The following ANK2 variants were observed in gnomAD, a reference collection of about 807,000 sequenced individuals.
The protein encoded by ANK2 is ankyrin 2.
ANK2 carries 83 observed loss-of-function variants against 360.5 expected under a neutral mutation model. The observed-to-expected ratio is 0.23, with a 90% confidence interval of 0.19 to 0.28. ANK2 has a LOEUF of 0.28. Among genes scored for constraint, ANK2 ranks in the 10% least tolerant of loss-of-function variants. The pLI is 1.00. For synonymous variants in ANK2, 1,740 were observed against 1,759.5 expected, an observed-to-expected ratio of 0.99 and a Z score of 0.28; for missense variants, 4,201 against 4,795.7, an observed-to-expected ratio of 0.88 and a Z score of 3.66.
chr4:113,241,798 A>T (rs2040089717), intron 8 of ANK2, among the ~76,000 whole-genome samples: 3 of 152,156 alleles, frequency 2.0e-5, no homozygotes, highest in African/African-American at 7.2e-5. Context: ...TCTTAGGTAG[A>T]TTTAAAATTT....
At position 113,049,765 on chromosome 4, in the gene ANK2, G is replaced by A. The variant is rs745356870; in HGVS notation, c.37G>A (p.Gly13Arg). 3.1e-6 allele frequency: 5 copies of A among 1,613,764 alleles called. No individual in the cohort carries two copies. The highest frequency in any genetic ancestry group is 1.7e-5 in the Admixed American group (1 of 59,998). The stretch of plus-strand genomic sequence containing the variant: ...AGATGCAGCTCAGAAAAGCGACAGT[G>A]GAGAGAAGTTCAACGGCAGTAGTCA... ...NEDAAQKSDS[G>R]EKFNGSSQRR... Residue 13 changes from glycine (G) to arginine (R), a missense_variant, in exon 1 of 46, where the codon GGA becomes AGA. Coordinates refer to ENST00000357077, the MANE Select transcript of ANK2 (RefSeq NM_001148.6).
intron 37 of ANK2, among the ~76,000 whole-genome samples, chr4:113,351,923 C>G (rs2095436986): frequency 6.6e-6 from 1 of 152,140 alleles, no homozygotes; most frequent in African/African-American, 2.4e-5. Flanking sequence ...TACCTGAAGT[C>G]TTTTTATCAG....
rs112118263 is a variant in ANK2, at chr4:113,254,816, T to C, written c.991-919T>C. Among the ~76,000 whole-genome samples the C allele has an allele frequency of 4.3e-4, 66 of 152,314 alleles. 1 individual carries two copies. The highest frequency in any genetic ancestry group is 1.6e-3 in the African/African-American group (65 of 41,580). On this transcript the variant is annotated intron_variant, in intron 10 of 45. Coordinates refer to ENST00000357077, the MANE Select transcript of ANK2 (RefSeq NM_001148.6). ...TCTGCTTTGTTGAATGTAATGACTGTCAAACTGGATACTTGGCGAACAATC... is the reference window on the plus strand; with the variant it reads ...TCTGCTTTGTTGAATGTAATGACTGCCAAACTGGATACTTGGCGAACAATC...
chr4:112,959,363 A>G (rs2033437300), intron 2 of ANK2, among the ~76,000 whole-genome samples: 2 of 152,354 alleles, frequency 1.3e-5, no homozygotes, highest in South Asian at 4.1e-4. Context: ...AGGCTCCATT[A>G]TAAGGTGTGT....
At chr4:113,180,142 A>C (rs1390913692) in intron 2 of ANK2, among the ~76,000 whole-genome samples, 1 of 152,238 alleles carries the variant, frequency 6.6e-6, no homozygotes, top group African/African-American at 2.4e-5. Context: ...AGATACACTC[A>C]GCAATGACTT....
the ANK2 span, among the ~76,000 whole-genome samples, chr4:112,784,102 C>T: frequency 2.0e-5 from 3 of 152,000 alleles, no homozygotes; most frequent in Admixed American, 1.3e-4. Context: ...TTGGTTGTTT[C>T]CAGTATTTTC....
At chr4:113,292,593 G>C in intron 21 of ANK2, 79 bp downstream of exon 21, 3 of 1,372,282 alleles carry the variant, frequency 2.2e-6, no homozygotes, top group Non-Finnish European at 3.0e-6. Flanking sequence ...TCTGAGCTGA[G>C]TGAGGTCAGA....
intron 38 of ANK2, among the ~76,000 whole-genome samples, chr4:113,360,273 C>G (rs1456594663): frequency 6.6e-6 from 1 of 152,094 alleles, no homozygotes; most frequent in Non-Finnish European, 1.5e-5. Context: ...AATGCATATG[C>G]TTTTATCCTC....
At chr4:112,898,622 G>T (rs2082394495) in intron 1 of ANK2, among the ~76,000 whole-genome samples, 1 of 152,138 alleles carries the variant, frequency 6.6e-6, no homozygotes, top group African/African-American at 2.4e-5. Flanking sequence ...TTAAACCAGT[G>T]TTGACTATTC....
intron 2 of ANK2, among the ~76,000 whole-genome samples, chr4:113,194,572 T>C (rs2098720780): frequency 6.6e-6 from 1 of 152,192 alleles, no homozygotes; most frequent in Admixed American, 6.5e-5. Flanking sequence ...TTTTTAGGAT[T>C]GATTAATGTG....
At chr4:112,780,611 C>T in the ANK2 span, among the ~76,000 whole-genome samples, 1 of 152,084 alleles carries the variant, frequency 6.6e-6, no homozygotes, top group Non-Finnish European at 1.5e-5. Flanking sequence ...TATGAAGATA[C>T]TACCGAGACT....
At chr4:113,138,310 G>A (rs538480981) in intron 1 of ANK2, among the ~76,000 whole-genome samples, 1 of 152,234 alleles carries the variant, frequency 6.6e-6, no homozygotes, top group South Asian at 2.1e-4. Context: ...TTGACTAAAT[G>A]CACACTCATC....
At chr4:112,779,591 T>C in the ANK2 span, among the ~76,000 whole-genome samples, 284 of 152,320 alleles carry the variant, frequency 1.9e-3, 1 homozygote, top group African/African-American at 6.4e-3. Flanking sequence ...TTTCTTCTTA[T>C]TTACTTACAC....
intron 2 of ANK2, among the ~76,000 whole-genome samples, chr4:113,176,508 A>G (rs548134851): frequency 3.3e-5 from 5 of 152,208 alleles, no homozygotes; most frequent in African/African-American, 9.6e-5. Context: ...TGAACTTTAG[A>G]TACATTAGTT....
chr4:112,890,556 G>GTTTTTTTTTTTTTTTTTTT (rs754680934), intron 1 of ANK2, among the ~76,000 whole-genome samples: 1 of 67,456 alleles, frequency 1.5e-5, no homozygotes, highest in Non-Finnish European at 2.5e-5. Context: ...CATTTCTGTG[G>GTTTTTTTTTTTTTTTTTTT]TTTTTTTTTT....
chr4:112,946,358 C>T (rs562670476), intron 2 of ANK2, among the ~76,000 whole-genome samples: 2 of 152,310 alleles, frequency 1.3e-5, no homozygotes, highest in East Asian at 3.9e-4. Context: ...AGCCTGCCGC[C>T]TGTCCTAAGT....
intron 2 of ANK2, among the ~76,000 whole-genome samples, chr4:113,021,530 C>CCCCCCCCCCACACA (rs1554056650): frequency 7.6e-5 from 1 of 13,088 alleles, no homozygotes; most frequent in African/African-American, 2.3e-4. Context: ...ACACACACAC[C>CCCCCCCCCCACACA]CACACACAAA....
intron 1 of ANK2, among the ~76,000 whole-genome samples, chr4:112,829,313 A>T (rs1210181253): frequency 1.3e-5 from 2 of 151,980 alleles, no homozygotes; most frequent in Non-Finnish European, 2.9e-5. Context: ...TTCTCCCTTT[A>T]TATCTGAGTG....
intron 2 of ANK2, among the ~76,000 whole-genome samples, chr4:113,184,204 G>C (rs567570690): frequency 9.2e-5 from 14 of 151,764 alleles, no homozygotes; most frequent in African/African-American, 3.1e-4. Flanking sequence ...GCATTCTAAA[G>C]GATCAGTGTG....
Sources: gnomAD v4.1 joint callset for allele counts (sites outside exome capture counted in the v4.1 genomes callset) on GRCh38, gnomAD v4.1.1 for gene constraint, MANE v1.5 for transcripts, NCBI Gene and HGNC (gene_info 2026-07-23, HGNC 2026-07-21) for gene names.